TERB2: variants seen among roughly 807,000 people sequenced by gnomAD.
The protein encoded by TERB2 is telomere repeats-binding bouquet formation protein 2.
In TERB2, 26 loss-of-function variants were observed where a neutral mutation model predicts 29.8. The observed-to-expected ratio is 0.87, with a 90% CI of 0.64 to 1.21. The LOEUF (loss-of-function observed/expected upper bound fraction) is 1.21, where lower values mean the gene tolerates loss of function less well. TERB2 is among the 50% of genes most tolerant of loss of function. TERB2 has a pLI of 0.00. For synonymous variants in TERB2, 80 were observed against 90.8 expected, an observed-to-expected ratio of 0.88 and a Z score of 0.68; for missense variants, 240 against 268.6, an observed-to-expected ratio of 0.89 and a Z score of 0.74.
intron 5 of TERB2, among the ~76,000 whole-genome samples, chr15:44,972,370 T>TC (rs1891984805): frequency 6.6e-6 from 1 of 152,126 alleles, no homozygotes; most frequent in South Asian, 2.1e-4. Context: ...TAAGGATGAC[T>TC]CCAATTTTTA....
chr15:44,967,328 G>C (rs1442048133), intron 5 of TERB2, among the ~76,000 whole-genome samples: 1 of 152,206 alleles, frequency 6.6e-6, no homozygotes, highest in Non-Finnish European at 1.5e-5. Context: ...GTGGAGGCAG[G>C]GGAATCCCCA....
At position 44,978,839 on chromosome 15, in the gene TERB2, C is replaced by A; in HGVS notation, c.*211C>A. ...GCTTTTAACAACATGTTCAAATATT[C>A]TCAATGCACAGTTGTTAATGAGTAA... is the stretch of plus-strand genomic sequence containing the variant. On this transcript the variant is annotated 3_prime_UTR_variant, in exon 7 of 7. Transcript: ENST00000340827. The A allele has an allele frequency of 6.1e-6, 3 of 492,736 alleles. No homozygotes were observed. Among genetic ancestry groups the A allele is most frequent in the South Asian group, 6.2e-5 (1 of 16,100 alleles). The allele number at this position is 492,736 out of a possible 1,614,324, so 30.5% of individuals were successfully genotyped here. A position where few individuals can be genotyped will look rare whatever the true frequency, so the allele number is the denominator to read the frequency against.
Position 44,958,394 on chromosome 15 carries a change from C to T in TERB2, c.168C>T (p.Tyr56=), listed in dbSNP as rs1891753205. ...CTAGAATATATCAGAGCCTTGATTA[C>T]ATAGAAGATAATGCTACAGTTTTTC... ...DTLRIYQSLD[Y]IEDNATVFHA... Residue 56 remains tyrosine (Y), a synonymous_variant, in exon 3 of 7, where the codon TAC becomes TAT. Transcript: ENST00000340827. The T allele has an allele frequency of 6.2e-7, 1 of 1,612,986 alleles. No individual in the cohort carries two copies.
Position 44,978,497 on chromosome 15 carries a change from T to A in TERB2, c.532T>A (p.Ser178Thr). The change falls in exon 7 of 7, where the codon TCA becomes ACA. Residue 178 changes from serine to threonine, a missense_variant. By Grantham distance (58) the Ser-to-Thr change is moderately conservative (BLOSUM62 1). Coordinates refer to ENST00000340827, the MANE Select transcript of TERB2 (RefSeq NM_152448.3). ...PVNNMVTGYI[S>T]IDAMKKFLGE... ...TAAATTTTATTTTGTAGGTTATATATCAATTGATGCCATGAAGAAATTCCT... is the reference window on the plus strand; with the variant it reads ...TAAATTTTATTTTGTAGGTTATATAACAATTGATGCCATGAAGAAATTCCT... 6.2e-7 allele frequency: 1 copy of A among 1,601,140 alleles called. No individual in the cohort carries two copies. Among genetic ancestry groups the A allele is most frequent in the Non-Finnish European group, 8.5e-7 (1 of 1,174,206 alleles).
At chr15:44,969,266 G>A (rs749762085) in intron 5 of TERB2, among the ~76,000 whole-genome samples, 1 of 152,074 alleles carries the variant, frequency 6.6e-6, no homozygotes, top group Admixed American at 6.5e-5. Context: ...ACCCCGTCTA[G>A]CCAATTTTTC....
At chr15:44,976,720 A>G (rs1038833988) in intron 6 of TERB2, among the ~76,000 whole-genome samples, 1 of 152,126 alleles carries the variant, frequency 6.6e-6, no homozygotes, top group African/African-American at 2.4e-5. Flanking sequence ...TGCCTTTCTT[A>G]GGAATTCCCT....
intron 4 of TERB2, among the ~76,000 whole-genome samples, chr15:44,965,055 C>T (rs926653282): frequency 6.1e-5 from 9 of 147,590 alleles, no homozygotes; most frequent in Non-Finnish European, 1.0e-4. Context: ...CTCAACTACT[C>T]GAGAGGCTGA....
chr15:44,972,116 A>T (rs1486497315), intron 5 of TERB2, among the ~76,000 whole-genome samples: 1 of 148,438 alleles, frequency 6.7e-6, no homozygotes, highest in Admixed American at 6.9e-5. Context: ...CAGCCTCCTG[A>T]GTAGCTGGGA....
chr15:44,957,103 A>T, intron 2 of TERB2, 126 bp downstream of exon 2: 1 of 984,148 alleles, frequency 1.0e-6, no homozygotes, highest in Non-Finnish European at 1.5e-6. Flanking sequence ...AATCCCAGCT[A>T]CTGGGAAGAC....
chr15:44,969,088 C>T (rs1891930828), intron 5 of TERB2, among the ~76,000 whole-genome samples: 3 of 151,990 alleles, frequency 2.0e-5, no homozygotes, highest in South Asian at 2.1e-4. Flanking sequence ...TGGGCCACCA[C>T]GCCTGGCTAA....
At chr15:44,965,652 T>C (rs936518127) in intron 4 of TERB2, among the ~76,000 whole-genome samples, 1 of 146,808 alleles carries the variant, frequency 6.8e-6, no homozygotes, top group African/African-American at 2.5e-5. Context: ...ATATTTTATA[T>C]CTTTATGTAT....
chr15:44,959,689 A>G (rs1418006218), intron 3 of TERB2, among the ~76,000 whole-genome samples: 2 of 152,162 alleles, frequency 1.3e-5, no homozygotes, highest in Non-Finnish European at 2.9e-5. Flanking sequence ...TAACTAGCCC[A>G]TGGGTAGGTT....
At chr15:44,978,241 C>T (rs1253883408) in intron 6 of TERB2, among the ~76,000 whole-genome samples, 1 of 152,128 alleles carries the variant, frequency 6.6e-6, no homozygotes, top group African/African-American at 2.4e-5. Flanking sequence ...TCTCAATAGT[C>T]AAAGCAGCTT....
intron 4 of TERB2, 94 bp from the exon 5 acceptor site, chr15:44,966,064 A>G (rs1363740059): frequency 6.7e-6 from 4 of 600,232 alleles, no homozygotes; most frequent in African/African-American, 5.8e-5. Context: ...TTTGAGATAT[A>G]TATTTCCAGT....
intron 4 of TERB2, 74 bp downstream of exon 4, chr15:44,961,658 T>G (rs1891805868): frequency 2.0e-6 from 2 of 1,024,292 alleles, no homozygotes; most frequent in South Asian, 3.0e-5. Context: ...ATCTTTAAAA[T>G]GTTTATTTGT....
chr15:44,966,957 G>C (rs1467037852), intron 5 of TERB2, among the ~76,000 whole-genome samples: 1 of 152,092 alleles, frequency 6.6e-6, no homozygotes, highest in Non-Finnish European at 1.5e-5. Context: ...AATACTAGCT[G>C]GGCATAGTGG....
Position 44,956,866 on chromosome 15 carries a change from T to C in TERB2, c.65-30T>C, listed in dbSNP as rs201597496. ...GATGCTTTGGGTCCAGGGTGCTTGA[T>C]AGGTTCACCCTGTGCTCTTACCTCC... On this transcript the variant is annotated intron_variant, in intron 1 of 6. Coordinates refer to ENST00000340827, the MANE Select transcript of TERB2 (RefSeq NM_152448.3). 1.1e-4 allele frequency: 185 copies of C among 1,612,280 alleles called. No homozygotes were observed. In the East Asian group the frequency reaches 3.0e-3, roughly 26 times the overall value.
At chr15:44,969,596 C>G (rs166592) in intron 5 of TERB2, among the ~76,000 whole-genome samples, 1 of 150,726 alleles carries the variant, frequency 6.6e-6, no homozygotes, top group South Asian at 2.1e-4. Context: ...CAAGACCAGT[C>G]TGAGCAACAG....
At chr15:44,968,713 C>A (rs1943219285) in intron 5 of TERB2, among the ~76,000 whole-genome samples, 1 of 150,422 alleles carries the variant, frequency 6.6e-6, no homozygotes, top group Non-Finnish European at 1.5e-5. Context: ...ATCCTCCCTC[C>A]TCAGCCACCC....
Sources: gnomAD v4.1 joint callset for allele counts (sites outside exome capture counted in the v4.1 genomes callset) on GRCh38, gnomAD v4.1.1 for gene constraint, MANE v1.5 for transcripts, NCBI Gene and HGNC (gene_info 2026-07-23, HGNC 2026-07-21) for gene names.